SMARCC1: variants seen among roughly 807,000 people sequenced by gnomAD.
The protein encoded by SMARCC1 is SWI/SNF related BAF chromatin remodeling complex subunit C1.
SMARCC1 carries 43 observed loss-of-function variants against 147.4 expected under a neutral mutation model. The observed-to-expected ratio is 0.29, with a 90% CI of 0.23 to 0.38. The LOEUF is 0.38. SMARCC1 is among the 10% of genes least tolerant of loss of function. The pLI, the probability that SMARCC1 is intolerant of heterozygous loss-of-function variation, is 1.00. For synonymous variants in SMARCC1, 495 were observed against 484.4 expected (o/e 1.02, Z -0.29); for missense variants, 1,119 against 1,381.1 (o/e 0.81, Z 3.01).
intron 25 of SMARCC1, among the ~76,000 whole-genome samples, chr3:47,615,840 C>T (rs767390609): frequency 3.3e-5 from 5 of 152,158 alleles, no homozygotes; most frequent in African/African-American, 9.7e-5. Context: ...CCCACCACCA[C>T]GCCCGCCTAA....
intron 10 of SMARCC1, among the ~76,000 whole-genome samples, chr3:47,704,144 A>C (rs997814033): frequency 1.3e-5 from 2 of 152,046 alleles, no homozygotes; most frequent in Non-Finnish European, 2.9e-5. Flanking sequence ...TACACTTGGA[A>C]GAGGGCCAAG....
At chr3:47,651,214 G>C (rs2033185626) in intron 21 of SMARCC1, among the ~76,000 whole-genome samples, 1 of 152,110 alleles carries the variant, frequency 6.6e-6, no homozygotes, top group Non-Finnish European at 1.5e-5. Context: ...TGAGGTGGGA[G>C]AATCACCTGA....
intron 14 of SMARCC1, among the ~76,000 whole-genome samples, chr3:47,683,888 CAGACAAACAAAA>C (rs984535795): frequency 9.9e-4 from 150 of 152,180 alleles, no homozygotes; most frequent in African/African-American, 3.3e-3. Context: ...AGTCGAGGCA[CAGACAAACAAAA>C]AGACAAACAA....
intron 25 of SMARCC1, among the ~76,000 whole-genome samples, chr3:47,613,980 G>C (rs1034479207): frequency 5.8e-5 from 8 of 138,094 alleles, no homozygotes; most frequent in African/African-American, 1.6e-4. Context: ...AAAGCAGGGA[G>C]GGGGGTGGGA....
intron 25 of SMARCC1, among the ~76,000 whole-genome samples, chr3:47,613,499 A>G (rs931276584): frequency 6.6e-6 from 1 of 150,864 alleles, no homozygotes; most frequent in African/African-American, 2.4e-5. Flanking sequence ...AGCTGGGATT[A>G]CAGGTGCCCA....
At chr3:47,740,548 C>T (rs550930690) in intron 3 of SMARCC1, among the ~76,000 whole-genome samples, 1 of 151,834 alleles carries the variant, frequency 6.6e-6, no homozygotes, top group East Asian at 1.9e-4. Flanking sequence ...ACCATGTGGG[C>T]CAGGCAGGTC....
chr3:47,771,795 A>G (rs1299244684), intron 2 of SMARCC1, among the ~76,000 whole-genome samples: 1 of 151,628 alleles, frequency 6.6e-6, no homozygotes, highest in East Asian at 1.9e-4. Flanking sequence ...TAACATAAAA[A>G]TAAAGGCTGG....
intron 6 of SMARCC1, among the ~76,000 whole-genome samples, chr3:47,726,693 T>C (rs1036116729): frequency 6.6e-6 from 1 of 152,212 alleles, no homozygotes; most frequent in African/African-American, 2.4e-5. Context: ...GAATAAACTT[T>C]GAAGACATTA....
At chr3:47,705,240 G>A (rs777241865) in intron 10 of SMARCC1, among the ~76,000 whole-genome samples, 16 of 147,526 alleles carry the variant, frequency 1.1e-4, no homozygotes, top group Non-Finnish European at 1.9e-4. Flanking sequence ...CAGGACAATC[G>A]CTTGAACATG....
intron 26 of SMARCC1, among the ~76,000 whole-genome samples, chr3:47,598,299 T>G (rs1361776235): frequency 6.6e-6 from 1 of 152,142 alleles, no homozygotes; most frequent in Non-Finnish European, 1.5e-5. Context: ...AGTACAATAT[T>G]CTAGCCTGCA....
intron 2 of SMARCC1, among the ~76,000 whole-genome samples, chr3:47,746,701 C>G (rs1030781762): frequency 6.7e-6 from 1 of 150,138 alleles, no homozygotes; most frequent in Non-Finnish European, 1.5e-5. Context: ...TAAATATAGG[C>G]CAGGAGCAGT....
chr3:47,765,018 G>A (rs1216601470), intron 2 of SMARCC1, among the ~76,000 whole-genome samples: 1 of 152,194 alleles, frequency 6.6e-6, no homozygotes, highest in Non-Finnish European at 1.5e-5. Flanking sequence ...TTGGGAGGCT[G>A]AGGCAGGCAG....
Position 47,670,708 on chromosome 3 carries a change from C to T in SMARCC1, c.1849G>A (p.Ala617Thr). The T allele has an allele frequency of 6.3e-7, 1 of 1,591,804 alleles. No individual in the cohort carries two copies. The highest frequency in any genetic ancestry group is 1.3e-5 in the African/African-American group (1 of 74,782). The change falls in exon 19 of 28, where the codon GCT becomes ACT. Residue 617 changes from alanine to threonine, a missense_variant. Physicochemically the swap from Ala to Thr is moderately conservative, Grantham distance 58. This residue lies in a region of SMARCC1 where 178 missense variants were observed against 264.6 expected (regional missense o/e 0.67). Coordinates refer to ENST00000254480, the MANE Select transcript of SMARCC1 (RefSeq NM_003074.4). ...SKKTLAKSKG[A>T]SAGREWTEQE... ...TCAGTCCATTCTCTTCCAGCACTAGCACCTTTACTCTAAGGAAACAAAATC... is the reference window on the plus strand; with the variant it reads ...TCAGTCCATTCTCTTCCAGCACTAGTACCTTTACTCTAAGGAAACAAAATC...
At chr3:47,605,844 T>C (rs1020151919) in intron 26 of SMARCC1, among the ~76,000 whole-genome samples, 1 of 152,118 alleles carries the variant, frequency 6.6e-6, no homozygotes, top group Non-Finnish European at 1.5e-5. Context: ...TAGATAACAT[T>C]CAACCAGCCC....
At chr3:47,621,561 A>G (rs574574731) in intron 25 of SMARCC1, among the ~76,000 whole-genome samples, 1 of 152,312 alleles carries the variant, frequency 6.6e-6, no homozygotes, top group East Asian at 1.9e-4. Flanking sequence ...CCGGAAGCAA[A>G]AAATGCCACA....
In SMARCC1 at chr3:47,673,086, AT is replaced by A. The variant is rs992436297; in HGVS notation, c.1840-2370del. ...TGAAGCTTTCATATGATTTTAAAAT[AT>A]TTTTTTCTTGTATTAGGCTGAGCAT... On this transcript the variant is annotated intron_variant, in intron 18 of 27. Coordinates refer to ENST00000254480, the MANE Select transcript of SMARCC1 (RefSeq NM_003074.4). Among the ~76,000 whole-genome samples the A allele has an allele frequency of 8.6e-5, 13 of 151,714 alleles. No homozygotes were observed. In the East Asian group the frequency reaches 2.1e-3, roughly 25 times the overall value.
chr3:47,723,355 G>GTT (rs71070218), intron 6 of SMARCC1, among the ~76,000 whole-genome samples: 1,199 of 106,358 alleles, frequency 0.011, 1 homozygote, highest in East Asian at 0.016. Context: ...TTTTTGTTGG[G>GTT]TTTTTTTTTT....
At chr3:47,718,073 AGG>A (rs1196228054) in intron 7 of SMARCC1, among the ~76,000 whole-genome samples, 1 of 140,230 alleles carries the variant, frequency 7.1e-6, no homozygotes, top group Non-Finnish European at 1.5e-5. Context: ...CTGAGGTTGG[AGG>A]ATCACTTGAG....
chr3:47,729,149 G>A (rs373278116), intron 5 of SMARCC1, 55 bp from the exon 6 acceptor site: 1 of 1,054,412 alleles, frequency 9.5e-7, no homozygotes, highest in Non-Finnish European at 1.4e-6. Flanking sequence ...AATGAACTAT[G>A]AGATTCCAGA....
Sources: allele counts gnomAD v4.1 joint callset (sites outside exome capture counted in the v4.1 genomes callset), GRCh38; gene constraint gnomAD v4.1.1; regional missense constraint gnomAD v4.1.1; transcripts MANE v1.5; gene names NCBI Gene and HGNC (gene_info 2026-07-23, HGNC 2026-07-21).